The following PACSIN2 variants were observed in gnomAD, a reference collection of about 807,000 sequenced individuals.
PACSIN2 encodes protein kinase C and casein kinase substrate in neurons 2.
Under a neutral mutation model 63.8 loss-of-function variants are expected in PACSIN2, and 25 were observed. The ratio of observed to expected loss-of-function variants is 0.39; its 90% CI spans 0.29 to 0.55. The LOEUF (loss-of-function observed/expected upper bound fraction) is 0.55, where lower values mean the gene tolerates loss of function less well. Among genes scored for constraint, PACSIN2 ranks in the 20% least tolerant of loss-of-function variants. PACSIN2 has a pLI of 0.62. For missense variants in PACSIN2, 518 were observed against 646.9 expected (o/e 0.80, Z 2.16); for synonymous variants, 255 against 256.2 (o/e 1.00, Z 0.05).
intron 1 of PACSIN2, among the ~76,000 whole-genome samples, chr22:43,014,672 C>A (rs1569384104): frequency 6.6e-6 from 1 of 151,884 alleles, no homozygotes; most frequent in Non-Finnish European, 1.5e-5. Context: ...AGCTCTTAAC[C>A]CCCGACGGCC....
chr22:42,899,933 C>T (rs754210477), intron 2 of PACSIN2, among the ~76,000 whole-genome samples: 11 of 152,174 alleles, frequency 7.2e-5, no homozygotes, highest in Non-Finnish European at 1.6e-4. Flanking sequence ...CTAACAAAAG[C>T]TGTAACATTA....
At chr22:42,989,305 TG>T (rs1922843850) in intron 1 of PACSIN2, among the ~76,000 whole-genome samples, 1 of 152,082 alleles carries the variant, frequency 6.6e-6, no homozygotes, top group African/African-American at 2.4e-5. Context: ...AAGACCAGCC[TG>T]GCCAACATGA....
At chr22:42,879,427 C>A (rs914927809) in intron 7 of PACSIN2, among the ~76,000 whole-genome samples, 15 of 152,236 alleles carry the variant, frequency 9.9e-5, no homozygotes, top group African/African-American at 3.6e-4. Flanking sequence ...ACCTCTACAA[C>A]CACCCCCAGG....
At chr22:42,934,612 C>T (rs1220000173) in intron 1 of PACSIN2, among the ~76,000 whole-genome samples, 2 of 152,252 alleles carry the variant, frequency 1.3e-5, no homozygotes, top group African/African-American at 4.8e-5. Flanking sequence ...TCAACTCCCA[C>T]CTACCTTGCA....
intron 3 of PACSIN2, among the ~76,000 whole-genome samples, chr22:42,891,643 T>G (rs1602193543): frequency 6.6e-6 from 1 of 152,136 alleles, no homozygotes; most frequent in Admixed American, 6.5e-5. Flanking sequence ...TGACCTCAGG[T>G]GATCCATTCG....
intron 1 of PACSIN2, among the ~76,000 whole-genome samples, chr22:42,967,308 G>A (rs1336642903): frequency 6.6e-6 from 1 of 152,176 alleles, no homozygotes; most frequent in African/African-American, 2.4e-5. Context: ...CCAGATAGAA[G>A]ATCCCAATGT....
chr22:42,931,990 G>C (rs1932787748), intron 1 of PACSIN2, among the ~76,000 whole-genome samples: 1 of 152,092 alleles, frequency 6.6e-6, no homozygotes, highest in African/African-American at 2.4e-5. Context: ...AGCCTCTTCA[G>C]GGCAATATTT....
At chr22:42,938,984 C>G (rs904909891) in intron 1 of PACSIN2, among the ~76,000 whole-genome samples, 1 of 152,182 alleles carries the variant, frequency 6.6e-6, no homozygotes, top group Non-Finnish European at 1.5e-5. Context: ...AAGCTGATGA[C>G]CAGCCATCCT....
At chr22:43,004,758 A>C (rs738379) in intron 1 of PACSIN2, among the ~76,000 whole-genome samples, 92,889 of 152,182 alleles carry the variant, frequency 0.61, 28,990 homozygotes, top group East Asian at 0.81. Flanking sequence ...AGTTGATCCT[A>C]TCTAAAGACC....
chr22:42,886,415 T>TGTAGGTAGGTAG (rs78395694), intron 5 of PACSIN2, among the ~76,000 whole-genome samples: 92 of 144,984 alleles, frequency 6.3e-4, no homozygotes, highest in Admixed American at 1.4e-3. Context: ...ATGGTATGTA[T>TGTAGGTAGGTAG]GTAGGTAGGT....
chr22:43,004,480 C>T (rs973305630), intron 1 of PACSIN2, among the ~76,000 whole-genome samples: 4 of 152,162 alleles, frequency 2.6e-5, no homozygotes, highest in African/African-American at 4.8e-5. Context: ...AGCTAAGTGG[C>T]GAGCAGGCAG....
rs190225203 is a variant in PACSIN2, at chr22:42,913,836, T to C, written c.-77-1679A>G. ...GCTTGCTAAGGTAATATTCTCTCCA[T>C]TACACCAAGATGTTTTCCAAAAACA... On this transcript the variant is annotated intron_variant, in intron 1 of 10. Coordinates refer to ENST00000263246, the MANE Select transcript of PACSIN2 (RefSeq NM_001184970.3). Among the ~76,000 whole-genome samples the C allele has an allele frequency of 2.0e-4, 31 of 152,282 alleles. No homozygotes were observed. In the East Asian group the frequency reaches 4.6e-3, roughly 23 times the overall value.
intron 1 of PACSIN2, among the ~76,000 whole-genome samples, chr22:42,968,307 A>G (rs530599147): frequency 2.0e-4 from 31 of 152,140 alleles, no homozygotes; most frequent in Non-Finnish European, 4.4e-4. Flanking sequence ...AGTCCCTAAT[A>G]ACCAACTCAA....
chr22:42,885,584 T>C (rs1380950291), intron 5 of PACSIN2, among the ~76,000 whole-genome samples: 1 of 151,906 alleles, frequency 6.6e-6, no homozygotes, highest in Non-Finnish European at 1.5e-5. Flanking sequence ...GGACTGAGTC[T>C]ACCCTGCCCA....
intron 1 of PACSIN2, among the ~76,000 whole-genome samples, chr22:42,944,513 A>G (rs538958915): frequency 2.6e-5 from 4 of 152,362 alleles, no homozygotes; most frequent in South Asian, 4.1e-4. Context: ...AACAAGGCAG[A>G]TAACAGTTAC....
chr22:42,980,559 G>A (rs1922026323), intron 1 of PACSIN2, among the ~76,000 whole-genome samples: 2 of 135,040 alleles, frequency 1.5e-5, no homozygotes, highest in Admixed American at 7.8e-5. Flanking sequence ...CGGTACTGCT[G>A]CCATCTCGGC....
chr22:42,947,986 C>T (rs561900191), intron 1 of PACSIN2, among the ~76,000 whole-genome samples: 3 of 152,168 alleles, frequency 2.0e-5, no homozygotes, highest in Admixed American at 6.5e-5. Context: ...TCCAACACAG[C>T]GGCCAAGAGC....
chr22:42,880,311 C>T (rs901622090), intron 7 of PACSIN2, among the ~76,000 whole-genome samples: 3 of 152,228 alleles, frequency 2.0e-5, no homozygotes, highest in African/African-American at 7.2e-5. Context: ...AAATCTGGGT[C>T]ACCTTTTCAT....
intron 1 of PACSIN2, among the ~76,000 whole-genome samples, chr22:42,970,507 T>C (rs569445863): frequency 1.8e-4 from 27 of 152,228 alleles, no homozygotes; most frequent in Non-Finnish European, 3.7e-4. Context: ...ATGTTAACAT[T>C]AGAGAAAGTC....
Sources: gnomAD v4.1 joint callset for allele counts (sites outside exome capture counted in the v4.1 genomes callset) on GRCh38, gnomAD v4.1.1 for gene constraint, MANE v1.5 for transcripts, NCBI Gene and HGNC (gene_info 2026-07-23, HGNC 2026-07-21) for gene names.